Variants in UHRF2 observed in about 807,000 individuals in gnomAD.
The protein encoded by UHRF2 is E3 ubiquitin-protein ligase UHRF2.
UHRF2 carries 23 observed loss-of-function variants against 96.8 expected under a neutral mutation model. The observed-to-expected ratio is 0.24, with a 90% CI of 0.17 to 0.34. UHRF2 has a LOEUF of 0.34. Ranked by LOEUF, UHRF2 falls within the 10% of genes least tolerant of loss-of-function variation. The pLI, the probability that UHRF2 is intolerant of heterozygous loss-of-function variation, is 1.00. For missense variants in UHRF2, 685 were observed against 981.5 expected (o/e 0.70, Z 4.04); for synonymous variants, 385 against 332.6 (o/e 1.16, Z -1.72).
At chr9:6,421,180 C>T (rs1415054761) in intron 2 of UHRF2, 38 bp downstream of exon 2, 2 of 1,424,814 alleles carry the variant, frequency 1.4e-6, no homozygotes, top group Non-Finnish European at 1.9e-6. Flanking sequence ...TGTGAGAATA[C>T]AAATAAATTT....
chr9:6,451,408 G>C (rs962914959), intron 3 of UHRF2, among the ~76,000 whole-genome samples: 4 of 151,872 alleles, frequency 2.6e-5, no homozygotes, highest in Non-Finnish European at 5.9e-5. Context: ...AATATACTAA[G>C]AGAAATTGAG....
At chr9:6,460,210 C>G (rs150877993) in intron 3 of UHRF2, among the ~76,000 whole-genome samples, 67 of 152,310 alleles carry the variant, frequency 4.4e-4, no homozygotes, top group African/African-American at 1.5e-3. Context: ...TGAATAGATA[C>G]ATAACATATA....
intron 5 of UHRF2, among the ~76,000 whole-genome samples, chr9:6,476,280 A>G (rs1181399905): frequency 6.6e-6 from 1 of 151,984 alleles, no homozygotes; most frequent in African/African-American, 2.4e-5. Flanking sequence ...TTATCTGTTG[A>G]TGCGTTTCTT....
At chr9:6,481,892 A>C (rs532183283) in intron 7 of UHRF2, 100 bp from the exon 8 acceptor site, 10 of 1,535,602 alleles carry the variant, frequency 6.5e-6, no homozygotes, top group Non-Finnish European at 8.8e-6. Flanking sequence ...TGGTACTTAA[A>C]TTACATAAAC....
intron 12 of UHRF2, 70 bp from the exon 13 acceptor site, chr9:6,499,765 C>G (rs1385704278): frequency 2.0e-6 from 2 of 992,764 alleles, no homozygotes; most frequent in Non-Finnish European, 1.4e-6. Context: ...AATTTCTCAC[C>G]AGGATCTAAA....
Position 6,499,876 on chromosome 9 carries a change from T to C in UHRF2, c.1950T>C (p.Pro650=). 1.2e-6 allele frequency: 2 copies of C among 1,607,622 alleles called. No individual in the cohort carries two copies. The highest frequency in any genetic ancestry group is 1.7e-6 in the Non-Finnish European group (2 of 1,176,106). Residue 650 remains proline, a synonymous_variant, in exon 13 of 16, where the codon CCT becomes CCC. Coordinates refer to ENST00000276893, the MANE Select transcript of UHRF2 (RefSeq NM_152896.3). ...CTTCAGATAAAGAAGGGAAGAAGCC[T>C]AAAGGACAGTCAAAGAAGCAGCCCA... The part of the protein sequence containing the change: ...GYPSDKEGKK[P]KGQSKKQPSG...
chr9:6,500,608 G>A lies in UHRF2; in HGVS notation c.2062G>A (p.Glu688Lys). 1 of 1,613,728 alleles carries A rather than the reference G, an allele frequency of 6.2e-7. No individual in the cohort carries two copies. The highest frequency in any genetic ancestry group is 8.5e-7 in the Non-Finnish European group (1 of 1,179,966). Residue 688 changes from glutamate (E) to lysine (K), a missense_variant, in exon 14 of 16, where the codon GAG becomes AAG. Glu to Lys is a moderately conservative substitution (Grantham distance 56). This residue lies in a region of UHRF2 where 99 missense variants were observed against 73.5 expected (regional missense o/e 1.35). Transcript: ENST00000276893. ...YKASDSAEAI[E>K]AFQLTPQQQH... is the part of the protein sequence containing the mutation. Reference sequence around the variant, plus strand: ...AGCATCAGATTCAGCAGAAGCAATTGAGGCTTTTCAACTAACTCCTCAACA... The same window carrying A: ...AGCATCAGATTCAGCAGAAGCAATTAAGGCTTTTCAACTAACTCCTCAACA...
intron 1 of UHRF2, 92 bp downstream of exon 1, chr9:6,413,735 G>A (rs1819424772): frequency 3.0e-6 from 4 of 1,323,338 alleles, no homozygotes; most frequent in East Asian, 3.1e-5. Flanking sequence ...TGTGCGCCGC[G>A]CGCGCAGGGC....
Position 6,413,721 on chromosome 9 carries a change from G to T in UHRF2, c.153+78G>T. The T allele has an allele frequency of 2.2e-6, 3 of 1,344,372 alleles. No individual in the cohort carries two copies. The South Asian group carries it at 5.3e-5, about 24-fold the overall frequency. The allele number at this position is 1,344,372 out of a possible 1,614,324, so 83.3% of individuals were successfully genotyped here. ...CTCCTCTGGACGCACCGGTCCGAGG[G>T]CTCTGTGCGCCGCGCGCGCAGGGCT... is the stretch of plus-strand genomic sequence containing the variant. On this transcript the variant is annotated intron_variant, in intron 1 of 15. Transcript: ENST00000276893.
At chr9:6,486,764 G>C in intron 8 of UHRF2, 57 bp from the exon 9 acceptor site, 1 of 1,540,414 alleles carries the variant, frequency 6.5e-7, no homozygotes, top group Non-Finnish European at 8.9e-7. Flanking sequence ...AAAGCATTTT[G>C]TAAATGTATC....
At chr9:6,464,038 C>T (rs528676557) in intron 4 of UHRF2, among the ~76,000 whole-genome samples, 1 of 152,286 alleles carries the variant, frequency 6.6e-6, no homozygotes, top group East Asian at 1.9e-4. Flanking sequence ...AACCAAGTGT[C>T]TGTACCAGGT....
In UHRF2 at chr9:6,477,614, C is replaced by T; in HGVS notation, c.974-8C>T. ...AGACTAGACTTGCTATAATTTTGTTCTTAATAGGGCGAAATGACCCTGAAT... is the reference window on the plus strand; with the variant it reads ...AGACTAGACTTGCTATAATTTTGTTTTTAATAGGGCGAAATGACCCTGAAT... On this transcript the variant is annotated splice_region_variant and splice_polypyrimidine_tract_variant and intron_variant, in intron 5 of 15. Coordinates refer to ENST00000276893, the MANE Select transcript of UHRF2 (RefSeq NM_152896.3). 1 of 1,590,546 alleles carries T rather than the reference C, an allele frequency of 6.3e-7. No individual in the cohort carries two copies. Among genetic ancestry groups the T allele is most frequent in the Non-Finnish European group, 8.6e-7 (1 of 1,167,642 alleles).
At chr9:6,460,837 A>G (rs760443942) in intron 4 of UHRF2, 46 bp downstream of exon 4, 3 of 1,531,750 alleles carry the variant, frequency 2.0e-6, no homozygotes, top group Non-Finnish European at 2.7e-6. Flanking sequence ...GAATTGATCA[A>G]GGAATGTATT....
At chr9:6,484,058 CTTAT>C (rs1824096176) in intron 8 of UHRF2, among the ~76,000 whole-genome samples, 2 of 151,128 alleles carry the variant, frequency 1.3e-5, no homozygotes, top group Non-Finnish European at 2.9e-5. Flanking sequence ...CATTTACCTT[CTTAT>C]TTCTTTCTTT....
At chr9:6,448,474 A>G (rs1821655039) in intron 3 of UHRF2, among the ~76,000 whole-genome samples, 2 of 152,210 alleles carry the variant, frequency 1.3e-5, no homozygotes, top group African/African-American at 4.8e-5. Flanking sequence ...TCAGTTTGAA[A>G]AACGTCTCTG....
In UHRF2 at chr9:6,413,458, A is replaced by G; in HGVS notation, c.-33A>G. ...CGCGGCGCCCAGAGCTCAGGGGGAG[A>G]CAAAGGGGACCGGTTCCTCTCTAGG... On this transcript the variant is annotated 5_prime_UTR_variant, in exon 1 of 16. Coordinates refer to ENST00000276893, the MANE Select transcript of UHRF2 (RefSeq NM_152896.3). The G allele has an allele frequency of 4.7e-6, 7 of 1,485,378 alleles. No individual in the cohort carries two copies. The highest frequency in any genetic ancestry group is 5.4e-6 in the Non-Finnish European group (6 of 1,106,800). 92.0% of individuals were successfully genotyped at this position (1,485,378 alleles called of 1,614,324 possible).
intron 9 of UHRF2, among the ~76,000 whole-genome samples, chr9:6,493,543 T>G (rs1054126594): frequency 2.6e-5 from 4 of 152,224 alleles, no homozygotes; most frequent in African/African-American, 9.6e-5. Context: ...CTTACCTTGT[T>G]TGTAACATTC....
At chr9:6,447,687 T>C (rs1462813541) in intron 3 of UHRF2, among the ~76,000 whole-genome samples, 1 of 152,038 alleles carries the variant, frequency 6.6e-6, no homozygotes, top group East Asian at 1.9e-4. Flanking sequence ...AGTAAAATAA[T>C]AAATCCATAA....
At position 6,499,928 on chromosome 9, in the gene UHRF2, G is replaced by C. The variant is rs190485928; in HGVS notation, c.2002G>C (p.Asp668His). The change falls in exon 13 of 16, where the codon GAT becomes CAT. Residue 668 changes from aspartate to histidine, a missense_variant. Transcript: ENST00000276893. ...PSGTTKRPIS[D>H]DDCPSASKVY... ...TGGAACCACAAAAAGGCCAATTTCAGATGGTAGGTAATGATTGCAAAATAT... is the reference window on the plus strand; with the variant it reads ...TGGAACCACAAAAAGGCCAATTTCACATGGTAGGTAATGATTGCAAAATAT... The C allele has an allele frequency of 6.2e-7, 1 of 1,607,598 alleles. No individual in the cohort carries two copies. Among genetic ancestry groups the C allele is most frequent in the South Asian group, 1.1e-5 (1 of 90,640 alleles).
Sources: gnomAD v4.1 joint callset for allele counts (sites outside exome capture counted in the v4.1 genomes callset) on GRCh38, gnomAD v4.1.1 for gene constraint, gnomAD v4.1.1 regional missense constraint, MANE v1.5 for transcripts, NCBI Gene and HGNC (gene_info 2026-07-23, HGNC 2026-07-21) for gene names.